The following CEP170 variants were observed in gnomAD, a reference collection of about 807,000 sequenced individuals.
CEP170 encodes the protein centrosomal protein 170.
In CEP170, 21 loss-of-function variants were observed where a neutral mutation model predicts 151.9. The ratio of observed to expected loss-of-function variants is 0.14; its 90% CI spans 0.10 to 0.20. The LOEUF (loss-of-function observed/expected upper bound fraction) is 0.20. Ranked by LOEUF, CEP170 falls within the 10% of genes least tolerant of loss-of-function variation. CEP170 has a pLI of 1.00. For synonymous variants in CEP170, 356 were observed against 648.8 expected (o/e 0.55, Z 6.86); for missense variants, 964 against 1,892.9 (o/e 0.51, Z 9.11).
At chr1:243,179,805 C>T (rs1428475736) in intron 10 of CEP170, among the ~76,000 whole-genome samples, 1 of 152,130 alleles carries the variant, frequency 6.6e-6, no homozygotes, top group Non-Finnish European at 1.5e-5. Flanking sequence ...ACGATGTGAA[C>T]AAGACAAATA....
At chr1:243,180,167 T>C (rs1020806307) in intron 10 of CEP170, among the ~76,000 whole-genome samples, 1 of 152,138 alleles carries the variant, frequency 6.6e-6, no homozygotes, top group Non-Finnish European at 1.5e-5. Context: ...TATGAGAAGC[T>C]AGGCATGCCA....
chr1:243,234,043 A>T (rs2064032081), intron 1 of CEP170, among the ~76,000 whole-genome samples: 1 of 152,214 alleles, frequency 6.6e-6, no homozygotes, highest in Non-Finnish European at 1.5e-5. Flanking sequence ...ACACATGTTA[A>T]GGGCAGTCTA....
intron 1 of CEP170, among the ~76,000 whole-genome samples, chr1:243,235,244 C>T (rs1474431964): frequency 6.6e-6 from 1 of 152,098 alleles, no homozygotes; most frequent in East Asian, 1.9e-4. Context: ...CAGGATAACT[C>T]GGGTGGTGCT....
intron 8 of CEP170, among the ~76,000 whole-genome samples, chr1:243,188,720 G>T (rs540948978): frequency 3.3e-5 from 5 of 152,298 alleles, no homozygotes; most frequent in Middle Eastern, 3.4e-3. Flanking sequence ...TCTTGTAGGA[G>T]CAAAGTTTTT....
chr1:243,161,364 C>T (rs538254764), intron 13 of CEP170, among the ~76,000 whole-genome samples: 43 of 151,784 alleles, frequency 2.8e-4, no homozygotes, highest in African/African-American at 7.7e-4. Flanking sequence ...AGTTAAACTC[C>T]TAGAAGCAAA....
chr1:243,221,582 A>ACCATCCAATAGATGGATGTACTAT, intron 3 of CEP170, 142 bp downstream of exon 3: 1 of 752,458 alleles, frequency 1.3e-6, no homozygotes, highest in East Asian at 2.9e-5. Context: ...TGGTCCCCAA[A>ACCATCCAATAGATGGATGTACTAT]GTGCTATGTA....
chr1:243,197,791 T>C (rs935998502), intron 7 of CEP170, among the ~76,000 whole-genome samples: 3 of 151,978 alleles, frequency 2.0e-5, no homozygotes, highest in African/African-American at 7.2e-5. Flanking sequence ...CTTCCCTGTT[T>C]AGTCTCAGGC....
intron 16 of CEP170, among the ~76,000 whole-genome samples, chr1:243,136,925 A>T (rs1430438256): frequency 6.6e-6 from 1 of 152,016 alleles, no homozygotes; most frequent in Non-Finnish European, 1.5e-5. Context: ...AAATTTACAC[A>T]AAATAGTAAG....
chr1:243,228,818 A>T (rs1232786059), intron 1 of CEP170, among the ~76,000 whole-genome samples: 1 of 152,212 alleles, frequency 6.6e-6, no homozygotes, highest in African/African-American at 2.4e-5. Context: ...CAGTTGGATA[A>T]AATAAAATAA....
chr1:243,248,538 T>C (rs187913751), intron 1 of CEP170, among the ~76,000 whole-genome samples: 1 of 152,328 alleles, frequency 6.6e-6, no homozygotes, highest in Non-Finnish European at 1.5e-5. Context: ...GCCTACCTGA[T>C]GTGTCCACTT....
intron 14 of CEP170, among the ~76,000 whole-genome samples, chr1:243,143,555 T>A (rs940142766): frequency 6.6e-6 from 1 of 152,188 alleles, no homozygotes; most frequent in Admixed American, 6.5e-5. Context: ...ATTCTTGTTT[T>A]TTGAGAAACA....
At chr1:243,247,925 T>C (rs1367579156) in intron 1 of CEP170, among the ~76,000 whole-genome samples, 1 of 152,212 alleles carries the variant, frequency 6.6e-6, no homozygotes. Flanking sequence ...GCTACCACAA[T>C]AAACCTCTGA....
chr1:243,203,245 G>A (rs1252402483), intron 4 of CEP170, among the ~76,000 whole-genome samples: 1 of 152,088 alleles, frequency 6.6e-6, no homozygotes. Flanking sequence ...GTAGAATAAC[G>A]CATGATATCA....
rs1376995494 is a variant in CEP170, at chr1:243,164,181, A to G, written c.3676+103T>C. 1.6e-4 allele frequency: 204 copies of G among 1,283,802 alleles called. 1 individual carries two copies. The East Asian group carries it at 5.7e-3, about 36-fold the overall frequency. 79.5% of individuals were successfully genotyped at this position (1,283,802 alleles called of 1,614,324 possible). ...ATCATAACTTTTGTTTTGAATGAGT[A>G]TCTTGGGAAGACAACTAGAACCTTA... is the stretch of plus-strand genomic sequence containing the variant. On this transcript the variant is annotated intron_variant, in intron 13 of 19. Coordinates refer to ENST00000366542, the MANE Select transcript of CEP170 (RefSeq NM_014812.3).
intron 1 of CEP170, among the ~76,000 whole-genome samples, chr1:243,240,628 T>A (rs940856626): frequency 3.5e-5 from 3 of 86,898 alleles, no homozygotes; most frequent in African/African-American, 1.3e-4. Context: ...GGTATGGGTA[T>A]CTGTATTTTT....
chr1:243,232,431 T>C (rs534912322), intron 1 of CEP170, among the ~76,000 whole-genome samples: 4 of 152,200 alleles, frequency 2.6e-5, no homozygotes, highest in Non-Finnish European at 5.9e-5. Context: ...GGTAAGTTTA[T>C]TCCCATTCCC....
At position 243,169,710 on chromosome 1, in the gene CEP170, C is replaced by G. The variant is rs372933233; in HGVS notation, c.1761G>C (p.Trp587Cys). ...TTGTATGATTGGCAGCCAAACTAGC[C>G]CACTGTGAAACCCAACGTTTGCTTC... ...SSGSKRWVSQ[W>C]ASLAANHTRH... Residue 587 changes from tryptophan (W) to cysteine (C), a missense_variant, in exon 12 of 20, where the codon TGG (tryptophan) becomes TGC (cysteine). Coordinates refer to ENST00000366542, the MANE Select transcript of CEP170 (RefSeq NM_014812.3). 5.7e-5 allele frequency: 92 copies of G among 1,613,432 alleles called. No homozygotes were observed. Among genetic ancestry groups the G allele is most frequent in the Non-Finnish European group, 7.4e-5 (87 of 1,179,662 alleles).
intron 4 of CEP170, among the ~76,000 whole-genome samples, chr1:243,202,672 G>A (rs2061132694): frequency 6.6e-6 from 1 of 151,956 alleles, no homozygotes. Flanking sequence ...ACAGATGTGA[G>A]TTCCCTGAAG....
chr1:243,215,242 T>G (rs1354094451), intron 3 of CEP170, among the ~76,000 whole-genome samples: 2 of 152,138 alleles, frequency 1.3e-5, no homozygotes, highest in Non-Finnish European at 2.9e-5. Context: ...CTGCACAAAT[T>G]GTTTAAACAA....
Sources: allele counts gnomAD v4.1 joint callset (sites outside exome capture counted in the v4.1 genomes callset), GRCh38; gene constraint gnomAD v4.1.1; transcripts MANE v1.5; gene names NCBI Gene and HGNC (gene_info 2026-07-23, HGNC 2026-07-21).